KALRN: variants seen among roughly 807,000 people sequenced by gnomAD.
KALRN encodes kalirin.
A neutral mutation model predicts 353.7 loss-of-function variants in KALRN; 70 were observed. That is an observed-to-expected ratio of 0.20 (90% CI 0.16 to 0.24). The LOEUF is 0.24. Ranked by LOEUF, KALRN falls within the 10% of genes least tolerant of loss-of-function variation. The pLI is 1.00. For missense variants in KALRN, 2,791 were observed against 3,756.7 expected (o/e 0.74, Z 6.72); for synonymous variants, 1,391 against 1,434.8 (o/e 0.97, Z 0.69).
rs1267187890 is a variant in KALRN at position 124,398,948 on chromosome 3, G to A, written c.2346+77G>A. The A allele has an allele frequency of 4.2e-6, 6 of 1,437,788 alleles. No individual in the cohort carries two copies. The East Asian group carries it at 1.2e-4, about 28-fold the overall frequency. 89.1% of individuals were successfully genotyped at this position (1,437,788 alleles called of 1,614,324 possible). On this transcript the variant is annotated intron_variant, in intron 13 of 59. Transcript: ENST00000682506. The stretch of plus-strand genomic sequence containing the variant: ...GCCAAGGGCACTGCCCCAGGGGCAG[G>A]GCAGTAGCCTAAGGAAATTAGAGCA...
At chr3:124,646,638 C>G (rs899644867) in intron 37 of KALRN, among the ~76,000 whole-genome samples, 4 of 151,422 alleles carry the variant, frequency 2.6e-5, no homozygotes, top group South Asian at 4.2e-4. Context: ...TTATCTGCCC[C>G]CCTCGGCCTC....
At chr3:124,629,299 G>A (rs1002463781) in intron 34 of KALRN, among the ~76,000 whole-genome samples, 1 of 152,074 alleles carries the variant, frequency 6.6e-6, no homozygotes, top group Admixed American at 6.5e-5. Flanking sequence ...GCCCTAGTGT[G>A]GTTTTCTGGG....
chr3:124,587,654 G>A, intron 34 of KALRN, among the ~76,000 whole-genome samples: 1 of 147,648 alleles, frequency 6.8e-6, no homozygotes, highest in Non-Finnish European at 1.5e-5. Flanking sequence ...GGAAGAGTAT[G>A]GAAAGCGACT....
intron 59 of KALRN, among the ~76,000 whole-genome samples, chr3:124,718,606 C>T (rs906172302): frequency 6.6e-5 from 10 of 152,142 alleles, no homozygotes; most frequent in Admixed American, 5.2e-4. Flanking sequence ...CCATGCTTCT[C>T]AAAAAGAAGC....
At chr3:124,038,560 T>A (rs1349308388) in intron 1 of KALRN, among the ~76,000 whole-genome samples, 1 of 151,960 alleles carries the variant, frequency 6.6e-6, no homozygotes, top group Non-Finnish European at 1.5e-5. Flanking sequence ...AAAGTAAGAG[T>A]TTAGCTTTGG....
At chr3:124,338,252 C>G (rs1048094244) in intron 9 of KALRN, among the ~76,000 whole-genome samples, 1 of 152,038 alleles carries the variant, frequency 6.6e-6, no homozygotes, top group Non-Finnish European at 1.5e-5. Flanking sequence ...AGATCTTTCC[C>G]GCTTTCTCCT....
At chr3:124,501,925 A>G (rs2064622873) in intron 33 of KALRN, among the ~76,000 whole-genome samples, 1 of 152,228 alleles carries the variant, frequency 6.6e-6, no homozygotes, top group South Asian at 2.1e-4. Context: ...GGCCATTTCT[A>G]GTCTTCTGTA....
intron 1 of KALRN, among the ~76,000 whole-genome samples, chr3:124,181,983 G>A (rs972834533): frequency 4.6e-5 from 7 of 152,116 alleles, no homozygotes; most frequent in Non-Finnish European, 7.4e-5. Context: ...TGTCCCTGGC[G>A]TGCCTTTATA....
At chr3:124,377,708 T>C (rs2149856112) in intron 10 of KALRN, among the ~76,000 whole-genome samples, 1 of 152,290 alleles carries the variant, frequency 6.6e-6, no homozygotes, top group East Asian at 1.9e-4. Context: ...TTTACATAGT[T>C]TGAACTTTTG....
chr3:124,312,156 T>C (rs983231203), intron 6 of KALRN, among the ~76,000 whole-genome samples: 1 of 152,190 alleles, frequency 6.6e-6, no homozygotes, highest in Non-Finnish European at 1.5e-5. Flanking sequence ...TTTTATTTCA[T>C]TCCATTTCAT....
chr3:124,719,222 T>C lies in KALRN; in HGVS notation c.8713T>C (p.Cys2905Arg), dbSNP rs781248712. The part of the protein sequence containing the change: ...VDFSFPHEYF[C>R]GVSNAARDFI... The stretch of plus-strand genomic sequence containing the variant: ...TTTCAGCTTCCCCCATGAATACTTC[T>C]GTGGTGTGAGCAATGCTGCCAGAGA... The change falls in exon 60 of 60, where the codon TGT becomes CGT. Residue 2905 changes from cysteine to arginine, a missense_variant. Coordinates refer to ENST00000682506, the MANE Select transcript of KALRN (RefSeq NM_001388419.1). The surrounding 1 kb of genome is among the most constrained non-coding windows in gnomAD (Gnocchi z 5.3). 3.7e-6 allele frequency: 6 copies of C among 1,614,142 alleles called. No individual in the cohort carries two copies. Among genetic ancestry groups the C allele is most frequent in the Admixed American group, 1.7e-5 (1 of 60,014 alleles).
intron 13 of KALRN, among the ~76,000 whole-genome samples, chr3:124,408,351 C>A (rs895467394): frequency 3.3e-5 from 5 of 152,024 alleles, no homozygotes; most frequent in African/African-American, 9.7e-5. Flanking sequence ...AGAAAGATAT[C>A]CCCCAAAATC....
At chr3:124,402,806 C>T (rs2091040183) in intron 13 of KALRN, among the ~76,000 whole-genome samples, 1 of 152,098 alleles carries the variant, frequency 6.6e-6, no homozygotes, top group Admixed American at 6.5e-5. Flanking sequence ...TTCAAATAGT[C>T]TTCTGATAAT....
chr3:124,398,245 A>G (rs2090407785), intron 12 of KALRN, among the ~76,000 whole-genome samples: 1 of 152,246 alleles, frequency 6.6e-6, no homozygotes, highest in Admixed American at 6.5e-5. Flanking sequence ...AGAGTCTGTG[A>G]AGTAAAACTA....
At chr3:124,100,955 C>CA (rs2061813301) in intron 1 of KALRN, among the ~76,000 whole-genome samples, 2 of 152,120 alleles carry the variant, frequency 1.3e-5, no homozygotes, top group South Asian at 2.1e-4. Context: ...ACATGGATGT[C>CA]AGAGAGTAAG....
At chr3:124,170,455 A>G (rs532331740) in intron 1 of KALRN, among the ~76,000 whole-genome samples, 2 of 152,374 alleles carry the variant, frequency 1.3e-5, no homozygotes, top group East Asian at 3.9e-4. Context: ...TGGCTGGTGA[A>G]TAAGTGGCAG....
chr3:124,052,638 A>T (rs921246277), intron 1 of KALRN, among the ~76,000 whole-genome samples: 1 of 152,110 alleles, frequency 6.6e-6, no homozygotes, highest in Non-Finnish European at 1.5e-5. Flanking sequence ...ATTTCCTTCC[A>T]TGCAGAACTC....
At chr3:124,350,677 C>T (rs575827291) in intron 10 of KALRN, among the ~76,000 whole-genome samples, 101 of 152,198 alleles carry the variant, frequency 6.6e-4, no homozygotes, top group Non-Finnish European at 1.2e-3. Context: ...TACAACTTTC[C>T]TCTGGCCCTT....
chr3:124,477,161 C>A, intron 26 of KALRN, 84 bp from the exon 27 acceptor site: 1 of 930,362 alleles, frequency 1.1e-6, no homozygotes, highest in Non-Finnish European at 1.7e-6. Flanking sequence ...CTTAACTGTA[C>A]AGCCCTTGCT....
Sources: gnomAD v4.1 joint callset for allele counts (sites outside exome capture counted in the v4.1 genomes callset) on GRCh38, gnomAD v4.1.1 for gene constraint, Gnocchi (gnomAD v3.1) non-coding constraint, MANE v1.5 for transcripts, NCBI Gene and HGNC (gene_info 2026-07-23, HGNC 2026-07-21) for gene names.